CACNA1S: variants seen among roughly 807,000 people sequenced by gnomAD.
CACNA1S encodes the protein voltage-dependent L-type calcium channel subunit alpha-1S.
CACNA1S carries 126 observed loss-of-function variants against 207.4 expected under a neutral mutation model. The ratio of observed to expected loss-of-function variants is 0.61; its 90% CI spans 0.53 to 0.70. CACNA1S has a LOEUF of 0.70. Ranked by LOEUF, CACNA1S falls within the 30% of genes least tolerant of loss-of-function variation. CACNA1S has a pLI of 0.00. For synonymous variants in CACNA1S, 960 were observed against 932.7 expected, an observed-to-expected ratio of 1.03 and a Z score of -0.53; for missense variants, 2,349 against 2,422.8, an observed-to-expected ratio of 0.97 and a Z score of 0.64.
chr1:201,109,710 A>G (rs1056533659), intron 2 of CACNA1S, among the ~76,000 whole-genome samples: 12 of 152,228 alleles, frequency 7.9e-5, no homozygotes, highest in African/African-American at 2.9e-4. Flanking sequence ...TCCTTGCTTC[A>G]GATTCCTGGA....
At chr1:201,075,706 C>T in intron 12 of CACNA1S, 91 bp from the exon 13 acceptor site, 4 of 1,408,296 alleles carry the variant, frequency 2.8e-6, no homozygotes, top group Non-Finnish European at 4.0e-6. Context: ...TCCTCCAACT[C>T]TGTGGTTCTC....
chr1:201,102,756 T>G (rs10920115), intron 2 of CACNA1S, among the ~76,000 whole-genome samples: 80,171 of 151,986 alleles, frequency 0.53, 21,833 homozygotes, highest in African/African-American at 0.67. Flanking sequence ...ATAGACAGTT[T>G]GATTCCAGAC....
rs528694126 is a variant in CACNA1S, at chr1:201,057,985, C to T, written c.3609+423G>A. 2.6e-5 allele frequency among the ~76,000 whole-genome samples: 4 copies of T among 152,256 alleles called. 1 individual carries two copies. In the East Asian group the frequency reaches 7.7e-4, roughly 29 times the overall value. ...TTCTTATGCTTCCAATAAACTGGAC[C>T]ACTCAGCATGCCCTGAACCTTCTTT... On this transcript the variant is annotated intron_variant, in intron 28 of 43. Transcript: ENST00000362061.
In CACNA1S at chr1:201,044,818, C is replaced by T. The variant is rs192150388; in HGVS notation, c.4669-362G>A. 5.8e-3 allele frequency among the ~76,000 whole-genome samples: 882 copies of T among 152,224 alleles called. 12 individuals carry two copies. The highest frequency in any genetic ancestry group is 4.6e-3 in the Non-Finnish European group (312 of 67,994). On this transcript the variant is annotated intron_variant, in intron 38 of 43. Transcript: ENST00000362061. Reference sequence around the variant, plus strand: ...CCACCGTGCCTGGCTAGAACCGCTTCGTATGGCTTACTTGTTTCTTATCAC... The same window carrying T: ...CCACCGTGCCTGGCTAGAACCGCTTTGTATGGCTTACTTGTTTCTTATCAC...
Position 201,078,721 on chromosome 1 carries a change from C to T in CACNA1S, c.1394-617G>A, listed in dbSNP as rs145364439. 3.3e-4 allele frequency among the ~76,000 whole-genome samples: 50 copies of T among 152,226 alleles called. 1 individual carries two copies. In the East Asian group the frequency reaches 6.8e-3, roughly 21 times the overall value. On this transcript the variant is annotated intron_variant, in intron 10 of 43. Transcript: ENST00000362061. ...TACCTGAAGCCAATCCATCCTCCCA[C>T]GCTTTGCCCCCTCCCCCTTTTCGGG... is the stretch of plus-strand genomic sequence containing the variant.
At chr1:201,087,446 G>T (rs1053464991) in intron 7 of CACNA1S, among the ~76,000 whole-genome samples, 1 of 152,220 alleles carries the variant, frequency 6.6e-6, no homozygotes, top group Non-Finnish European at 1.5e-5. Context: ...CCGGGGCCAG[G>T]AGGCTGGAGT....
chr1:201,062,434 G>A lies in CACNA1S; in HGVS notation c.2906+28C>T, dbSNP rs749630124. ...CCACCATGCTCCCTGCCCCGTGACCGTCCCACTGTGCTCCCTGCCCCATGT... is the reference window on the plus strand; with the variant it reads ...CCACCATGCTCCCTGCCCCGTGACCATCCCACTGTGCTCCCTGCCCCATGT... On this transcript the variant is annotated intron_variant, in intron 23 of 43. Coordinates refer to ENST00000362061, the MANE Select transcript of CACNA1S (RefSeq NM_000069.3). 5.7e-5 allele frequency: 92 copies of A among 1,608,794 alleles called. 1 individual carries two copies. The South Asian group carries it at 6.9e-4, about 12-fold the overall frequency.
chr1:201,076,389 T>G (rs1661622786), intron 12 of CACNA1S, among the ~76,000 whole-genome samples: 1 of 152,130 alleles, frequency 6.6e-6, no homozygotes, highest in African/African-American at 2.4e-5. Context: ...CAGAGAGGAA[T>G]GTTTCCACGT....
At position 201,093,911 on chromosome 1, in the gene CACNA1S, A is replaced by G. The variant is rs148680317; in HGVS notation, c.369T>C (p.Asn123=). ...GGAAGACAATGGTGAAGTCCAGCAC[A>G]TTCCAGCCACTGCGCAGGTAAGCGT... ...HQDAYLRSGW[N]VLDFTIVFLG... The change falls in exon 3 of 44, where the codon AAT becomes AAC. Residue 123 remains asparagine, a synonymous_variant. Coordinates refer to ENST00000362061, the MANE Select transcript of CACNA1S (RefSeq NM_000069.3). 1,355 of 1,614,138 alleles carry G rather than the reference A, an allele frequency of 8.4e-4. No individual in the cohort carries two copies. The highest frequency in any genetic ancestry group is 1.1e-3 in the Non-Finnish European group (1,258 of 1,180,064).
Position 201,053,300 on chromosome 1 carries a change from C to A in CACNA1S, c.3796-26G>T, listed in dbSNP as rs1660722422. On this transcript the variant is annotated intron_variant, in intron 30 of 43. Transcript: ENST00000362061. This position sits in a 1 kb window ranked among gnomAD's most constrained non-coding sequence, Gnocchi z 5.1. ...CTGCAGGGCGGGCGGGAGCGCCAGT[C>A]AGTGTCTTAGGGCTCCACTGTGTGT... 1.2e-6 allele frequency: 2 copies of A among 1,612,552 alleles called. No homozygotes were observed. Among genetic ancestry groups the A allele is most frequent in the Non-Finnish European group, 1.7e-6 (2 of 1,179,416 alleles).
chr1:201,101,416 T>A (rs1378333545), intron 2 of CACNA1S, among the ~76,000 whole-genome samples: 3 of 152,226 alleles, frequency 2.0e-5, no homozygotes, highest in Non-Finnish European at 4.4e-5. Flanking sequence ...CTGAGATGTA[T>A]CTTTCATAAA....
chr1:201,051,694 C>A (rs1319832536), intron 32 of CACNA1S, among the ~76,000 whole-genome samples: 2 of 152,248 alleles, frequency 1.3e-5, no homozygotes. Flanking sequence ...CCTCCCTCCA[C>A]CTCTCCAGCT....
chr1:201,112,041 A>C (rs958560925), intron 1 of CACNA1S, 147 bp downstream of exon 1: 8 of 578,938 alleles, frequency 1.4e-5, no homozygotes, highest in Non-Finnish European at 2.2e-5. Flanking sequence ...TCCTTCCCCC[A>C]GCTCCTCACT....
Position 201,066,337 on chromosome 1 carries a change from G to A in CACNA1S, c.2658-21C>T, listed in dbSNP as rs201162248. Reference sequence around the variant, plus strand: ...TGGACCTGGGGGGCGGCAATGGTGAGGGGGCTGAGGGCAGCCTGCTCCAGC... The same window carrying A: ...TGGACCTGGGGGGCGGCAATGGTGAAGGGGCTGAGGGCAGCCTGCTCCAGC... On this transcript the variant is annotated intron_variant, in intron 20 of 43. Coordinates refer to ENST00000362061, the MANE Select transcript of CACNA1S (RefSeq NM_000069.3). The surrounding 1 kb of genome is among the most constrained non-coding windows in gnomAD (Gnocchi z 4.3). The A allele has an allele frequency of 1.3e-5, 20 of 1,599,864 alleles. 1 individual carries two copies. In the Admixed American group the frequency reaches 3.3e-4, roughly 27 times the overall value.
intron 2 of CACNA1S, among the ~76,000 whole-genome samples, chr1:201,097,752 G>A (rs7534906): frequency 0.31 from 47,624 of 151,948 alleles, 7,932 homozygotes; most frequent in Middle Eastern, 0.38. Context: ...CTCCAAAGAA[G>A]CCCTCTCGGA....
Position 201,061,473 on chromosome 1 carries a change from G to C in CACNA1S, c.3054-5C>G. Reference sequence around the variant, plus strand: ...TCTATGGCCTTGTACAGCAGCCTGGGGGTGGGCAGAGAAGAGAGGACAGAC... The same window carrying C: ...TCTATGGCCTTGTACAGCAGCCTGGCGGTGGGCAGAGAAGAGAGGACAGAC... On this transcript the variant is annotated splice_region_variant and splice_polypyrimidine_tract_variant and intron_variant, in intron 24 of 43. Transcript: ENST00000362061. 6.2e-7 allele frequency: 1 copy of C among 1,613,248 alleles called. No homozygotes were observed. The highest frequency in any genetic ancestry group is 8.5e-7 in the Non-Finnish European group (1 of 1,179,276).
chr1:201,112,399 T>C lies in CACNA1S; in HGVS notation c.-60A>G, dbSNP rs145803564. 1,077 of 1,610,774 alleles carry C rather than the reference T, an allele frequency of 6.7e-4. 7 individuals carry two copies. In the African/African-American group the frequency reaches 0.012, roughly 17 times the overall value. The stretch of plus-strand genomic sequence containing the variant: ...CCACCCCAGTGCTTTCCCTTCCCTG[T>C]GTCCCCAATGCCCCCGCCTTGGGGA... On this transcript the variant is annotated 5_prime_UTR_variant, in exon 1 of 44. Transcript: ENST00000362061.
intron 10 of CACNA1S, among the ~76,000 whole-genome samples, chr1:201,078,743 C>T (rs1187332448): frequency 1.3e-5 from 2 of 152,164 alleles, no homozygotes; most frequent in African/African-American, 2.4e-5. Context: ...TCCCCCTTTT[C>T]GGGAAGCTCC....
chr1:201,074,686 G>C (rs564197870), intron 13 of CACNA1S, 66 bp from the exon 14 acceptor site: 3 of 1,027,014 alleles, frequency 2.9e-6, no homozygotes, highest in Non-Finnish European at 4.5e-6. Flanking sequence ...CAGGAGTTCT[G>C]TCTGCCTGCA....
Sources: allele counts gnomAD v4.1 joint callset (sites outside exome capture counted in the v4.1 genomes callset), GRCh38; gene constraint gnomAD v4.1.1; non-coding constraint Gnocchi (gnomAD v3.1); transcripts MANE v1.5; gene names NCBI Gene and HGNC (gene_info 2026-07-23, HGNC 2026-07-21).